The following ZNF280D variants were observed in gnomAD, a reference collection of about 807,000 sequenced individuals.
ZNF280D encodes the protein suppressor of hairy wing homolog 4.
A neutral mutation model predicts 94.7 loss-of-function variants in ZNF280D; 39 were observed. The ratio of observed to expected loss-of-function variants is 0.41; its 90% CI spans 0.32 to 0.54. ZNF280D has a LOEUF of 0.54. ZNF280D is among the 20% of genes least tolerant of loss of function. The probability of loss-of-function intolerance (pLI) is 0.22; values close to 1 mark genes in which losing one functional copy is unlikely to be tolerated. For synonymous variants in ZNF280D, 398 were observed against 377.6 expected, an observed-to-expected ratio of 1.05 and a Z score of -0.63; for missense variants, 1,090 against 1,149.3, an observed-to-expected ratio of 0.95 and a Z score of 0.75.
Position 56,704,219 on chromosome 15 carries a change from A to C in ZNF280D, c.77T>G (p.Leu26Arg). ...ELFMECEEEE[L>R]EPWQKKVKEV... is the part of the protein sequence containing the mutation. ...TTTTACTTTCTTCTGCCATGGTTCC[A>C]GCTCCTCTTCTTCACATTCCATAAA... Residue 26 changes from leucine (L) to arginine (R), a missense_variant, in exon 4 of 22, where the codon CTG (leucine) becomes CGG (arginine). Leu to Arg is a moderately radical substitution (Grantham distance 102). Around this residue, in one of 3 missense-constraint regions of ZNF280D, gnomAD observed 386 missense variants for 372.0 expected, o/e 1.04. Coordinates refer to ENST00000267807, the MANE Select transcript of ZNF280D (RefSeq NM_017661.4). 1.9e-6 allele frequency: 3 copies of C among 1,613,296 alleles called. No individual in the cohort carries two copies. The highest frequency in any genetic ancestry group is 1.7e-6 in the Non-Finnish European group (2 of 1,179,722).
intron 1 of ZNF280D, among the ~76,000 whole-genome samples, chr15:56,726,496 T>C (rs1285279775): frequency 6.6e-6 from 1 of 152,220 alleles, no homozygotes; most frequent in Admixed American, 6.5e-5. Flanking sequence ...TGTGGGTCTA[T>C]AACAGAATCC....
At chr15:56,639,820 T>C (rs1337703752) in intron 20 of ZNF280D, among the ~76,000 whole-genome samples, 3 of 152,094 alleles carry the variant, frequency 2.0e-5, no homozygotes, top group Non-Finnish European at 4.4e-5. Flanking sequence ...AATTCATGGT[T>C]CAGCAAACAG....
chr15:56,659,468 G>A (rs960101395), intron 16 of ZNF280D, among the ~76,000 whole-genome samples: 2 of 151,528 alleles, frequency 1.3e-5, no homozygotes, highest in Non-Finnish European at 2.9e-5. Context: ...GACAGACTAC[G>A]TTCATATAAT....
Position 56,689,111 on chromosome 15 carries a change from G to T in ZNF280D, c.710C>A (p.Pro237His), listed in dbSNP as rs761860973. ...TSSNQSKNGT[P>H]FPRACPKCNI... ...GCACTTTGGACAAGCTCTTGGAAAA[G>T]GTGTTCCATTTTTAGACTGATTTGA... The change falls in exon 9 of 22, where the codon CCT (proline) becomes CAT (histidine). Residue 237 changes from proline to histidine, a missense_variant. Physicochemically the swap from Pro to His is moderately conservative, Grantham distance 77. Around this residue, in one of 3 missense-constraint regions of ZNF280D, gnomAD observed 386 missense variants for 372.0 expected, o/e 1.04. Transcript: ENST00000267807. 3.1e-6 allele frequency: 5 copies of T among 1,610,026 alleles called. No homozygotes were observed. The highest frequency in any genetic ancestry group is 1.3e-5 in the African/African-American group (1 of 74,722).
At position 56,632,136 on chromosome 15, in the gene ZNF280D, T is replaced by G; in HGVS notation, c.2316-14A>C. On this transcript the variant is annotated splice_polypyrimidine_tract_variant and intron_variant, in intron 21 of 21. Coordinates refer to ENST00000267807, the MANE Select transcript of ZNF280D (RefSeq NM_017661.4). ...TTATCTTGTTTACTGAAAAATAAAG[T>G]CATTTATTATGTATTTCTTCATAAA... 6.6e-7 allele frequency: 1 copy of G among 1,524,334 alleles called. No homozygotes were observed. Among genetic ancestry groups the G allele is most frequent in the Non-Finnish European group, 8.8e-7 (1 of 1,136,598 alleles). The allele number at this position is 1,524,334 out of a possible 1,614,324, so 94.4% of individuals were successfully genotyped here.
intron 19 of ZNF280D, among the ~76,000 whole-genome samples, chr15:56,644,880 A>G (rs2052802824): frequency 6.6e-6 from 1 of 152,188 alleles, no homozygotes; most frequent in South Asian, 2.1e-4. Flanking sequence ...AACTTGCATT[A>G]AGAGGCCTAT....
rs1195809119 is a variant in ZNF280D at position 56,707,326 on chromosome 15, A to G, written c.-85-20T>C. 1 of 1,517,810 alleles carries G rather than the reference A, an allele frequency of 6.6e-7. No individual in the cohort carries two copies. Among genetic ancestry groups the G allele is most frequent in the African/African-American group, 1.4e-5 (1 of 72,596 alleles). 94.0% of individuals were successfully genotyped at this position (1,517,810 alleles called of 1,614,324 possible). ...TCCTTCCTATAAAATAAAGATACCA[A>G]CTATTAGGGTGGACTTCATTAAATT... On this transcript the variant is annotated intron_variant, in intron 1 of 21. Transcript: ENST00000267807.
chr15:56,634,972 A>C (rs2052277777), intron 21 of ZNF280D, among the ~76,000 whole-genome samples: 1 of 152,118 alleles, frequency 6.6e-6, no homozygotes, highest in Non-Finnish European at 1.5e-5. Context: ...TAACAACATA[A>C]AATATGCTCT....
chr15:56,688,880 G>T, intron 9 of ZNF280D, 161 bp downstream of exon 9: 1 of 439,638 alleles, frequency 2.3e-6, no homozygotes, highest in Non-Finnish European at 4.0e-6. Flanking sequence ...GATTTAGAAG[G>T]AATTTGAGAA....
At chr15:56,669,998 T>A (rs866688153) in intron 13 of ZNF280D, among the ~76,000 whole-genome samples, 63 of 754 alleles carry the variant, frequency 0.084, 18 homozygotes, top group South Asian at 0.25. Context: ...ATATATATAT[T>A]ATATATATAT....
At chr15:56,722,523 TAATA>T (rs1482120269) in intron 1 of ZNF280D, among the ~76,000 whole-genome samples, 3 of 152,206 alleles carry the variant, frequency 2.0e-5, no homozygotes, top group Non-Finnish European at 2.9e-5. Context: ...AATGTTCAAC[TAATA>T]AATAAAATGT....
chr15:56,669,354 ATAAAT>A (rs2054517596), intron 13 of ZNF280D, among the ~76,000 whole-genome samples: 1 of 152,052 alleles, frequency 6.6e-6, no homozygotes, highest in Non-Finnish European at 1.5e-5. Context: ...AGTTGGTAAA[ATAAAT>A]TAAACTCTCT....
At chr15:56,709,688 G>A (rs935759149) in intron 1 of ZNF280D, among the ~76,000 whole-genome samples, 1 of 152,170 alleles carries the variant, frequency 6.6e-6, no homozygotes, top group Non-Finnish European at 1.5e-5. Flanking sequence ...CATAAAAAAG[G>A]ATGAGTTCAT....
intron 6 of ZNF280D, among the ~76,000 whole-genome samples, chr15:56,694,635 T>A (rs1293918651): frequency 6.6e-6 from 1 of 152,332 alleles, no homozygotes; most frequent in African/African-American, 2.4e-5. Context: ...TGAATTGGCA[T>A]GTTACCATAA....
At position 56,652,100 on chromosome 15, in the gene ZNF280D, C is replaced by A. The variant is rs543481962; in HGVS notation, c.2213+2098G>T. ...CCACTACTAAGAAACAAACTACTTG[C>A]GGAGATTTTGGAAAACCTTTCACTT... On this transcript the variant is annotated intron_variant, in intron 19 of 21. Coordinates refer to ENST00000267807, the MANE Select transcript of ZNF280D (RefSeq NM_017661.4). Among the ~76,000 whole-genome samples the A allele has an allele frequency of 2.7e-5, 4 of 150,436 alleles. No individual in the cohort carries two copies. The South Asian group carries it at 8.4e-4, about 32-fold the overall frequency.
At chr15:56,727,430 G>C (rs1026564735) in intron 1 of ZNF280D, among the ~76,000 whole-genome samples, 13 of 152,148 alleles carry the variant, frequency 8.5e-5, no homozygotes, top group African/African-American at 3.1e-4. Flanking sequence ...TTGCATTCCA[G>C]CCTGGACAAC....
In ZNF280D at chr15:56,648,086, T is replaced by A. The variant is rs144234097; in HGVS notation, c.2214-5089A>T. 3.0e-4 allele frequency among the ~76,000 whole-genome samples: 45 copies of A among 152,256 alleles called. No individual in the cohort carries two copies. The East Asian group carries it at 7.9e-3, about 27-fold the overall frequency. Reference sequence around the variant, plus strand: ...GGAGGATTAAATGTGTGGGTTCTACTTCAAATTTCCACTGCACTGCCTCAA... The same window carrying A: ...GGAGGATTAAATGTGTGGGTTCTACATCAAATTTCCACTGCACTGCCTCAA... On this transcript the variant is annotated intron_variant, in intron 19 of 21. Coordinates refer to ENST00000267807, the MANE Select transcript of ZNF280D (RefSeq NM_017661.4).
chr15:56,733,154 C>G (rs2058981624), intron 1 of ZNF280D: 1 of 152,904 alleles, frequency 6.5e-6, no homozygotes, highest in African/African-American at 2.4e-5. Context: ...AACAGGCGCA[C>G]ACGCCTGGGA....
At chr15:56,706,767 A>G (rs2057427424) in intron 3 of ZNF280D, among the ~76,000 whole-genome samples, 1 of 150,770 alleles carries the variant, frequency 6.6e-6, no homozygotes. Flanking sequence ...TATTTTTGAG[A>G]AAAAAAAAAT....
Sources: gnomAD v4.1 joint callset for allele counts (sites outside exome capture counted in the v4.1 genomes callset) on GRCh38, gnomAD v4.1.1 for gene constraint, gnomAD v4.1.1 regional missense constraint, MANE v1.5 for transcripts, NCBI Gene and HGNC (gene_info 2026-07-23, HGNC 2026-07-21) for gene names.